Variants in RPAP1 observed in about 807,000 individuals in gnomAD.
RPAP1 encodes RNA polymerase II-associated protein 1.
Under a neutral mutation model 142.4 loss-of-function variants are expected in RPAP1, and 109 were observed. The ratio of observed to expected loss-of-function variants is 0.77; its 90% confidence interval spans 0.66 to 0.90. The LOEUF is 0.90. Ranked by LOEUF, RPAP1 falls within the 40% of genes least tolerant of loss-of-function variation. The pLI is 0.00. For synonymous variants in RPAP1, 704 were observed against 738.9 expected, an observed-to-expected ratio of 0.95 and a Z score of 0.77; for missense variants, 1,546 against 1,751.7, an observed-to-expected ratio of 0.88 and a Z score of 2.10.
At chr15:41,540,963 C>T (rs965982159) in intron 1 of RPAP1, among the ~76,000 whole-genome samples, 5 of 152,100 alleles carry the variant, frequency 3.3e-5, no homozygotes, top group Non-Finnish European at 5.9e-5. Context: ...ACCCACTAGA[C>T]GTCATCATCA....
chr15:41,517,462 A>G lies in RPAP1; in HGVS notation c.*80T>C, dbSNP rs972716448. ...GTCTCCTGCCTACCATTAGGACACAATGTTCTTCGTCTGGCCAGACATCTG... is the reference window on the plus strand; with the variant it reads ...GTCTCCTGCCTACCATTAGGACACAGTGTTCTTCGTCTGGCCAGACATCTG... On this transcript the variant is annotated 3_prime_UTR_variant, in exon 25 of 25. Transcript: ENST00000304330. 9.9e-6 allele frequency: 13 copies of G among 1,317,400 alleles called. No individual in the cohort carries two copies. Among genetic ancestry groups the G allele is most frequent in the South Asian group, 8.9e-5 (6 of 67,790 alleles). The allele number at this position is 1,317,400 out of a possible 1,614,324, so 81.6% of individuals were successfully genotyped here.
rs758553350 is a variant in RPAP1, at chr15:41,518,096, A to T, written c.3882T>A (p.Gly1294=). ...LQLYFRTLVT[G]ALRPRWCPVL... ...CGGGGCACCAACGTGGGCGGAGCGC[A>T]CCAGTAACCAGGGTCCGGAAGTAGA... Residue 1294 remains glycine, a synonymous_variant, in exon 23 of 25, where the codon GGT becomes GGA. Coordinates refer to ENST00000304330, the MANE Select transcript of RPAP1 (RefSeq NM_015540.4). 6.2e-7 allele frequency: 1 copy of T among 1,608,600 alleles called. No homozygotes were observed. The highest frequency in any genetic ancestry group is 1.1e-5 in the South Asian group (1 of 90,278).
intron 3 of RPAP1, 120 bp downstream of exon 3, chr15:41,536,381 T>G (rs2051907503): frequency 2.1e-6 from 3 of 1,417,804 alleles, no homozygotes; most frequent in Middle Eastern, 1.8e-4. Flanking sequence ...CAACCTGACC[T>G]CAGGGGTAAA....
At chr15:41,522,985 G>C in intron 18 of RPAP1, 25 bp from the exon 19 acceptor site, 1 of 1,497,514 alleles carries the variant, frequency 6.7e-7, no homozygotes, top group Non-Finnish European at 8.9e-7. Flanking sequence ...GAGAGTCTGA[G>C]GGGGACTCTG....
intron 14 of RPAP1, 72 bp from the exon 15 acceptor site, chr15:41,525,220 A>G: frequency 2.8e-6 from 4 of 1,410,800 alleles, no homozygotes; most frequent in Non-Finnish European, 3.8e-6. Context: ...AGCTGGACAG[A>G]GAGTGGCTTA....
intron 22 of RPAP1, chr15:41,520,091 G>T (rs8026193): frequency 6.0e-6 from 2 of 333,068 alleles, no homozygotes; most frequent in East Asian, 1.4e-4. Context: ...CCGCAACCAC[G>T]CCCAGCTAAG....
At chr15:41,536,710 G>C (rs1300282411) in intron 2 of RPAP1, 61 bp from the exon 3 acceptor site, 8 of 1,571,246 alleles carry the variant, frequency 5.1e-6, no homozygotes, top group Non-Finnish European at 6.9e-6. Context: ...GACACTGCAG[G>C]CTAGGGAAGA....
intron 17 of RPAP1, 88 bp from the exon 18 acceptor site, chr15:41,523,442 C>G: frequency 1.1e-6 from 1 of 873,662 alleles, no homozygotes; most frequent in African/African-American, 1.7e-5. Context: ...ACCATCCCAA[C>G]AGCCCAAAAG....
rs1566887128 is a variant in RPAP1, at chr15:41,529,748, G to A, written c.1059+116C>T. On this transcript the variant is annotated intron_variant, in intron 8 of 24. Transcript: ENST00000304330. ...ATGGTAAAGGTGGGTGAGAGCAAAG[G>A]AGAGATGCTTCTCAGGCTCTGGGCA... is the stretch of plus-strand genomic sequence containing the variant. 8.1e-6 allele frequency: 7 copies of A among 863,822 alleles called. No individual in the cohort carries two copies. In the East Asian group the frequency reaches 1.3e-4, roughly 16 times the overall value. The allele number at this position is 863,822 out of a possible 1,614,324, so 53.5% of individuals were successfully genotyped here. A position where few individuals can be genotyped will look rare whatever the true frequency, so the allele number is the denominator to read the frequency against.
chr15:41,522,643 G>C (rs2051740337), intron 19 of RPAP1, 122 bp downstream of exon 19: 3 of 873,598 alleles, frequency 3.4e-6, no homozygotes, highest in Non-Finnish European at 5.0e-6. Context: ...GCCCACCTCG[G>C]CCTCCCAAAC....
chr15:41,522,015 C>A, intron 20 of RPAP1, 83 bp downstream of exon 20: 1 of 1,575,518 alleles, frequency 6.3e-7, no homozygotes, highest in Non-Finnish European at 8.7e-7. Flanking sequence ...AGCTGCATGG[C>A]CTGGCAGAAG....
intron 6 of RPAP1, among the ~76,000 whole-genome samples, chr15:41,531,465 C>G (rs1320972502): frequency 6.6e-6 from 1 of 151,800 alleles, no homozygotes; most frequent in African/African-American, 2.4e-5. Context: ...GTTCCTATGC[C>G]TATCCCTTTG....
Position 41,517,491 on chromosome 15 carries a change from A to G in RPAP1, c.*51T>C. ...TCTTCGTCTGGCCAGACATCTGTTG[A>G]AAGGCTGGATACAGGACAACGTACC... is the stretch of plus-strand genomic sequence containing the variant. On this transcript the variant is annotated 3_prime_UTR_variant, in exon 25 of 25. Transcript: ENST00000304330. 2 of 1,465,472 alleles carry G rather than the reference A, an allele frequency of 1.4e-6. No individual in the cohort carries two copies. The highest frequency in any genetic ancestry group is 1.8e-6 in the Non-Finnish European group (2 of 1,090,112). 90.8% of individuals were successfully genotyped at this position (1,465,472 alleles called of 1,614,324 possible). A position where few individuals can be genotyped will look rare whatever the true frequency, so the allele number is the denominator to read the frequency against.
At position 41,534,823 on chromosome 15, in the gene RPAP1, T is replaced by C. The variant is rs2051891349; in HGVS notation, c.654A>G (p.Gln218=). The change falls in exon 6 of 25, where the codon CAA becomes CAG. Residue 218 remains glutamine, a synonymous_variant. Coordinates refer to ENST00000304330, the MANE Select transcript of RPAP1 (RefSeq NM_015540.4). The part of the protein sequence containing the change: ...NLVTGKGLRD[Q]EAEQEAQTIH... The stretch of plus-strand genomic sequence containing the variant: ...TAGTCTGGGCTTCCTGCTCAGCTTC[T>C]TGATCCCTGAGCCCCTTCCCTGTGA... The C allele has an allele frequency of 6.2e-7, 1 of 1,614,040 alleles. No homozygotes were observed. Among genetic ancestry groups the C allele is most frequent in the African/African-American group, 1.3e-5 (1 of 74,918 alleles).
In RPAP1 at chr15:41,536,651, T is replaced by C. The variant is rs2051912416; in HGVS notation, c.182-2A>G. ...AAGCTGGGGGCAAATCTGGGAGATC[T>C]GAGAAAGAAAAGATCCCAAACGTGA... On this transcript the variant is annotated splice_acceptor_variant, in intron 2 of 24. Coordinates refer to ENST00000304330, the MANE Select transcript of RPAP1 (RefSeq NM_015540.4). LOFTEE classifies it high-confidence loss of function. 4 of 1,613,164 alleles carry C rather than the reference T, an allele frequency of 2.5e-6. No individual in the cohort carries two copies. Among genetic ancestry groups the C allele is most frequent in the African/African-American group, 2.7e-5 (2 of 74,884 alleles).
Position 41,523,909 on chromosome 15 carries a change from C to T in RPAP1, c.2298G>A (p.Gly766=). Reference sequence around the variant, plus strand: ...GACACGGCTCAACAAGAGGCTGGAGCCCAGACACCTGTGTCCAAGTGACTA... The same window carrying T: ...GACACGGCTCAACAAGAGGCTGGAGTCCAGACACCTGTGTCCAAGTGACTA... The part of the protein sequence containing the change: ...PSLVTWTQVS[G]LQPLVEPCLR... The change falls in exon 17 of 25, where the codon GGG becomes GGA. Residue 766 remains glycine (G), a synonymous_variant. Coordinates refer to ENST00000304330, the MANE Select transcript of RPAP1 (RefSeq NM_015540.4). 1 of 1,608,226 alleles carries T rather than the reference C, an allele frequency of 6.2e-7. No homozygotes were observed. Among genetic ancestry groups the T allele is most frequent in the Non-Finnish European group, 8.5e-7 (1 of 1,177,202 alleles).
chr15:41,522,341 A>G, intron 19 of RPAP1, 91 bp from the exon 20 acceptor site: 1 of 1,274,640 alleles, frequency 7.8e-7, no homozygotes, highest in Non-Finnish European at 1.1e-6. Flanking sequence ...GACTCAGGGA[A>G]ATGAGTGCCA....
chr15:41,520,859 G>A lies in RPAP1; in HGVS notation c.3327C>T (p.Leu1109=). Residue 1109 remains leucine (L), a synonymous_variant, in exon 22 of 25, where the codon CTC becomes CTT. Transcript: ENST00000304330. ...AGGGGGTGTCTGAAGCCCGGTGGTA[G>A]AGGCGAATCAGTGGCAGGAAGGGCC... ...TDWPFLPLIR[L]YHRASDTPSG... is the part of the protein sequence containing the mutation. 1 of 1,613,912 alleles carries A rather than the reference G, an allele frequency of 6.2e-7. No individual in the cohort carries two copies.
Position 41,527,031 on chromosome 15 carries a change from C to T in RPAP1, c.1784G>A (p.Arg595Gln), listed in dbSNP as rs572537236. 2.9e-5 allele frequency: 47 copies of T among 1,614,196 alleles called. No homozygotes were observed. The highest frequency in any genetic ancestry group is 6.6e-5 in the South Asian group (6 of 91,084). Residue 595 changes from arginine to glutamine, a missense_variant, in exon 14 of 25, where the codon CGA becomes CAA. This residue lies in a region of RPAP1 where 1,333 missense variants were observed against 1,486.6 expected (regional missense o/e 0.90). Transcript: ENST00000304330. Reference sequence around the variant, plus strand: ...AGACCAACTGGTGGGCAAGAACTCTCGAACTATAGTCTCTATCAGCCGAGG... The same window carrying T: ...AGACCAACTGGTGGGCAAGAACTCTTGAACTATAGTCTCTATCAGCCGAGG... ...ECPRLIETIV[R>Q]EFLPTSWSPV...
Sources: gnomAD v4.1 joint callset for allele counts (sites outside exome capture counted in the v4.1 genomes callset) on GRCh38, gnomAD v4.1.1 for gene constraint, gnomAD v4.1.1 regional missense constraint, MANE v1.5 for transcripts, NCBI Gene and HGNC (gene_info 2026-07-23, HGNC 2026-07-21) for gene names.